The following PRKAR2B variants were observed in gnomAD, a reference collection of about 807,000 sequenced individuals.
The protein encoded by PRKAR2B is cAMP-dependent protein kinase type II-beta regulatory subunit.
In PRKAR2B, 14 loss-of-function variants were observed where a neutral mutation model predicts 49.9. The ratio of observed to expected loss-of-function variants is 0.28; its 90% confidence interval spans 0.19 to 0.44. The LOEUF is 0.44. PRKAR2B is among the 20% of genes least tolerant of loss of function. The pLI is 1.00. For missense variants in PRKAR2B, 393 were observed against 537.9 expected (o/e 0.73, Z 2.67); for synonymous variants, 196 against 197.7 (o/e 0.99, Z 0.07).
chr7:107,045,083 G>A lies in PRKAR2B; in HGVS notation c.176G>A (p.Gly59Glu). The A allele has an allele frequency of 6.5e-7, 1 of 1,536,110 alleles. No homozygotes were observed. Among genetic ancestry groups the A allele is most frequent in the Non-Finnish European group, 8.7e-7 (1 of 1,144,806 alleles). ...ARFGHEGRTW[G>E]DLGAAAGGGT... ...TTCGGCCATGAGGGCAGGACCTGGG[G>A]GGACCTGGGCGCCGCTGCCGGGGGC... Residue 59 changes from glycine to glutamate, a missense_variant, in exon 1 of 11, where the codon GGG (glycine) becomes GAG (glutamate). By Grantham distance (98) the Gly-to-Glu change is moderately conservative (BLOSUM62 -2). This residue lies in a region of PRKAR2B where 160 missense variants were observed against 147.6 expected (regional missense o/e 1.08). Coordinates refer to ENST00000265717, the MANE Select transcript of PRKAR2B (RefSeq NM_002736.3).
intron 2 of PRKAR2B, among the ~76,000 whole-genome samples, chr7:107,074,783 G>A (rs1414401484): frequency 1.3e-5 from 2 of 152,098 alleles, no homozygotes; most frequent in South Asian, 2.1e-4. Flanking sequence ...GAGCGACAGA[G>A]GGGGAGACTG....
chr7:107,139,953 G>A (rs550006504), intron 4 of PRKAR2B, among the ~76,000 whole-genome samples: 2 of 152,276 alleles, frequency 1.3e-5, no homozygotes, highest in East Asian at 3.9e-4. Flanking sequence ...ATGCCCATAA[G>A]GAGTGACCTG....
In PRKAR2B at chr7:107,045,228, C is replaced by A; in HGVS notation, c.307+14C>A. ...GGGCGTTCAATGGTGAGGACCAGAC[C>A]CCCCACTTCGCGCCCCCGGATCCCC... On this transcript the variant is annotated intron_variant, in intron 1 of 10. Transcript: ENST00000265717. The A allele has an allele frequency of 1.4e-6, 2 of 1,406,416 alleles. No homozygotes were observed. Among genetic ancestry groups the A allele is most frequent in the Non-Finnish European group, 1.8e-6 (2 of 1,083,002 alleles). 87.1% of individuals were successfully genotyped at this position (1,406,416 alleles called of 1,614,324 possible).
At chr7:107,121,922 T>C in intron 2 of PRKAR2B, 30 bp from the exon 3 acceptor site, 1 of 1,444,828 alleles carries the variant, frequency 6.9e-7, no homozygotes, top group Non-Finnish European at 9.6e-7. Context: ...GATGAAACAA[T>C]CTTTAAGATG....
At chr7:107,107,046 C>A (rs1198123651) in intron 2 of PRKAR2B, among the ~76,000 whole-genome samples, 2 of 152,130 alleles carry the variant, frequency 1.3e-5, no homozygotes, top group African/African-American at 4.8e-5. Flanking sequence ...ATGTAAAGAA[C>A]CATTTTTAGG....
At chr7:107,149,984 A>G (rs1045797564) in intron 6 of PRKAR2B, among the ~76,000 whole-genome samples, 4 of 152,204 alleles carry the variant, frequency 2.6e-5, no homozygotes, top group African/African-American at 7.2e-5. Context: ...TACACCTACT[A>G]TGTACCCACA....
chr7:107,141,421 C>T (rs552908335), intron 5 of PRKAR2B, among the ~76,000 whole-genome samples: 12 of 152,156 alleles, frequency 7.9e-5, no homozygotes, highest in African/African-American at 2.6e-4. Context: ...CGGAGTGTGG[C>T]GGCTCAGGCC....
intron 4 of PRKAR2B, among the ~76,000 whole-genome samples, chr7:107,136,972 T>C (rs1795711673): frequency 6.6e-6 from 1 of 152,142 alleles, no homozygotes; most frequent in South Asian, 2.1e-4. Context: ...ACAAAATGAG[T>C]GATCTAGTTA....
At chr7:107,080,865 C>G (rs1005235400) in intron 2 of PRKAR2B, among the ~76,000 whole-genome samples, 1 of 152,088 alleles carries the variant, frequency 6.6e-6, no homozygotes, top group Non-Finnish European at 1.5e-5. Context: ...GGACCCAGGG[C>G]AGGCAGATAC....
Position 107,050,333 on chromosome 7 carries a change from C to CTTTTTTTTT in PRKAR2B, c.307+5140_307+5148dup, listed in dbSNP as rs57752789. Among the ~76,000 whole-genome samples, 68 of 68,596 alleles carry CTTTTTTTTT rather than the reference C, an allele frequency of 9.9e-4. 9 individuals carry two copies. The highest frequency in any genetic ancestry group is 4.1e-3 in the African/African-American group (57 of 13,960). 45.0% of individuals were successfully genotyped at this position (68,596 alleles called of 152,430 possible). A position where few individuals can be genotyped will look rare whatever the true frequency, so the allele number is the denominator to read the frequency against. ...TTATTTTAGATAAGACAGTTACCAG[C>CTTTTTTTTT]TTTTTTTTTTTTTTTTTTTTTTTTT... is the stretch of plus-strand genomic sequence containing the variant. On this transcript the variant is annotated intron_variant, in intron 1 of 10. Coordinates refer to ENST00000265717, the MANE Select transcript of PRKAR2B (RefSeq NM_002736.3).
chr7:107,150,579 A>G (rs970408156), intron 6 of PRKAR2B, among the ~76,000 whole-genome samples: 9 of 43,054 alleles, frequency 2.1e-4, no homozygotes, highest in Admixed American at 1.5e-3. Context: ...ATAACAGAGT[A>G]AAAGAACAGA....
intron 1 of PRKAR2B, among the ~76,000 whole-genome samples, chr7:107,045,945 T>C (rs1793684851): frequency 6.6e-6 from 1 of 152,260 alleles, no homozygotes; most frequent in Non-Finnish European, 1.5e-5. Context: ...CTTTATTTTT[T>C]TAAAAGTGTA....
At chr7:107,070,217 C>T (rs1310324868) in intron 1 of PRKAR2B, 64 bp from the exon 2 acceptor site, 21 of 1,294,658 alleles carry the variant, frequency 1.6e-5, no homozygotes, top group Non-Finnish European at 2.2e-5. Flanking sequence ...CAATTTGAGC[C>T]TTTTCAGGGT....
At chr7:107,139,845 CTTGCA>C (rs1795760373) in intron 4 of PRKAR2B, among the ~76,000 whole-genome samples, 2 of 152,316 alleles carry the variant, frequency 1.3e-5, no homozygotes, top group East Asian at 3.9e-4. Context: ...GTGTTTTCCA[CTTGCA>C]TCTTTTTTCC....
rs1220734523 is a variant in PRKAR2B, at chr7:107,159,434, C to A, written c.1124-15C>A. 2 of 1,608,798 alleles carry A rather than the reference C, an allele frequency of 1.2e-6. No individual in the cohort carries two copies. Among genetic ancestry groups the A allele is most frequent in the African/African-American group, 1.3e-5 (1 of 74,512 alleles). On this transcript the variant is annotated splice_polypyrimidine_tract_variant and intron_variant, in intron 10 of 10. Transcript: ENST00000265717. ...CAAAGAATGTTATTTAAAAAAAAATCTTCTCTTTTCTCAGCAATGGATGTG... is the reference window on the plus strand; with the variant it reads ...CAAAGAATGTTATTTAAAAAAAAATATTCTCTTTTCTCAGCAATGGATGTG...
chr7:107,096,884 A>C (rs1322547545), intron 2 of PRKAR2B, among the ~76,000 whole-genome samples: 1 of 152,182 alleles, frequency 6.6e-6, no homozygotes, highest in Admixed American at 6.5e-5. Context: ...ACAGTTTGTT[A>C]GAATTTCAGT....
intron 2 of PRKAR2B, chr7:107,081,752 T>C (rs1275680362): frequency 1.3e-5 from 2 of 152,156 alleles, no homozygotes; most frequent in African/African-American, 4.8e-5. Context: ...ACATTAATGG[T>C]ACAGTATATT....
chr7:107,052,395 G>A (rs890673268), intron 1 of PRKAR2B, among the ~76,000 whole-genome samples: 3 of 152,096 alleles, frequency 2.0e-5, no homozygotes, highest in Non-Finnish European at 4.4e-5. Flanking sequence ...TCCAGCTTGG[G>A]CAACAGAGGT....
intron 2 of PRKAR2B, among the ~76,000 whole-genome samples, chr7:107,088,584 T>C (rs753899133): frequency 3.0e-4 from 46 of 152,176 alleles, no homozygotes; most frequent in Non-Finnish European, 4.9e-4. Context: ...TCTCATACAG[T>C]TGGCTTTTAT....
Sources: gnomAD v4.1 joint callset for allele counts (sites outside exome capture counted in the v4.1 genomes callset) on GRCh38, gnomAD v4.1.1 for gene constraint, gnomAD v4.1.1 regional missense constraint, MANE v1.5 for transcripts, NCBI Gene and HGNC (gene_info 2026-07-23, HGNC 2026-07-21) for gene names.